The following FRMD4A variants were observed in gnomAD, a reference collection of about 807,000 sequenced individuals.
FRMD4A encodes the protein FERM domain containing 4A.
FRMD4A carries 29 observed loss-of-function variants against 129.1 expected under a neutral mutation model. That is an observed-to-expected ratio of 0.22 (90% CI 0.17 to 0.31). The LOEUF is 0.31. FRMD4A is among the 10% of genes least tolerant of loss of function. FRMD4A has a pLI of 1.00. For synonymous variants in FRMD4A, 634 were observed against 571.6 expected, an observed-to-expected ratio of 1.11 and a Z score of -1.56; for missense variants, 1,272 against 1,375.8, an observed-to-expected ratio of 0.92 and a Z score of 1.19.
intron 4 of FRMD4A, among the ~76,000 whole-genome samples, chr10:13,807,379 T>G (rs2093373524): frequency 6.6e-6 from 1 of 152,218 alleles, no homozygotes; most frequent in African/African-American, 2.4e-5. Flanking sequence ...CAATGTTCAT[T>G]TCTTAGTTTT....
chr10:13,971,954 C>G lies in FRMD4A; in HGVS notation c.46-113042G>C, dbSNP rs4750440. 5.8e-6 allele frequency: 7 copies of G among 1,208,414 alleles called. No individual in the cohort carries two copies. In the Admixed American group the frequency reaches 9.0e-5, roughly 15 times the overall value. The allele number at this position is 1,208,414 out of a possible 1,614,324, so 74.9% of individuals were successfully genotyped here. A position where few individuals can be genotyped will look rare whatever the true frequency, so the allele number is the denominator to read the frequency against. The stretch of plus-strand genomic sequence containing the variant: ...CTCTGATTCCTCTGACTCTCCTCCC[C>G]CTACCTACCCTCACCACCACCCTCA... On this transcript the variant is annotated intron_variant, in intron 2 of 24. Transcript: ENST00000357447.
chr10:13,762,258 C>T (rs900408944), intron 7 of FRMD4A, among the ~76,000 whole-genome samples: 6 of 152,040 alleles, frequency 3.9e-5, no homozygotes, highest in African/African-American at 1.2e-4. Flanking sequence ...CCTTGTCTTT[C>T]TAGGGGGCAG....
At chr10:14,126,169 CTTTTTTT>C (rs55649566) in intron 2 of FRMD4A, among the ~76,000 whole-genome samples, 1 of 122,382 alleles carries the variant, frequency 8.2e-6, no homozygotes, top group African/African-American at 3.1e-5. Flanking sequence ...ACCTTGCCCA[CTTTTTTT>C]TTTTTTTTTT....
intron 2 of FRMD4A, among the ~76,000 whole-genome samples, chr10:13,999,012 C>G (rs1161659397): frequency 6.6e-6 from 1 of 152,008 alleles, no homozygotes; most frequent in Non-Finnish European, 1.5e-5. Flanking sequence ...TCTGACCACC[C>G]CCATCTCACC....
intron 3 of FRMD4A, among the ~76,000 whole-genome samples, chr10:13,850,942 T>C (rs1442074918): frequency 1.3e-5 from 2 of 152,226 alleles, no homozygotes; most frequent in Non-Finnish European, 2.9e-5. Flanking sequence ...AGGCCAGGTG[T>C]AGTGGCTCAT....
At chr10:14,304,913 C>T (rs1218479) in intron 2 of FRMD4A, among the ~76,000 whole-genome samples, 5 of 152,090 alleles carry the variant, frequency 3.3e-5, no homozygotes, top group Admixed American at 3.3e-4. Context: ...CTGTTTCCCA[C>T]AGTGGTCTGA....
At chr10:13,996,979 A>C (rs1028028660) in intron 2 of FRMD4A, among the ~76,000 whole-genome samples, 1 of 149,588 alleles carries the variant, frequency 6.7e-6, no homozygotes, top group Non-Finnish European at 1.5e-5. Context: ...CATTGAAAAA[A>C]ATTGAGGCAA....
At chr10:13,924,835 C>T (rs1018887026) in intron 2 of FRMD4A, among the ~76,000 whole-genome samples, 5 of 151,850 alleles carry the variant, frequency 3.3e-5, no homozygotes, top group Admixed American at 6.6e-5. Flanking sequence ...GAGGCCGAAG[C>T]GGGCGGATCA....
intron 8 of FRMD4A, among the ~76,000 whole-genome samples, chr10:13,758,272 T>C (rs1260911924): frequency 6.6e-6 from 1 of 152,208 alleles, no homozygotes; most frequent in Admixed American, 6.5e-5. Context: ...TGTGTGGCCA[T>C]TCATTTAAAA....
At chr10:13,942,869 G>T (rs1159201740) in intron 2 of FRMD4A, among the ~76,000 whole-genome samples, 1 of 151,960 alleles carries the variant, frequency 6.6e-6, no homozygotes, top group Admixed American at 6.5e-5. Flanking sequence ...GGAGGTGGAG[G>T]TTTCAGTGAG....
intron 12 of FRMD4A, among the ~76,000 whole-genome samples, chr10:13,734,314 A>G (rs117732002): frequency 0.018 from 2,712 of 152,182 alleles, 43 homozygotes; most frequent in Non-Finnish European, 0.03. Context: ...GCCTCCAAGC[A>G]GTTTCCGGAG....
intron 2 of FRMD4A, among the ~76,000 whole-genome samples, chr10:14,163,707 C>T (rs1841023349): frequency 6.6e-6 from 1 of 152,230 alleles, no homozygotes; most frequent in South Asian, 2.1e-4. Context: ...CAAGCTTCTC[C>T]CCCTGCCTGA....
intron 2 of FRMD4A, among the ~76,000 whole-genome samples, chr10:14,005,165 A>T (rs934415239): frequency 6.6e-6 from 1 of 151,958 alleles, no homozygotes; most frequent in Non-Finnish European, 1.5e-5. Context: ...TGGGATTATA[A>T]GCGCATACCA....
intron 2 of FRMD4A, among the ~76,000 whole-genome samples, chr10:14,302,509 A>G (rs1344608439): frequency 2.6e-5 from 4 of 152,196 alleles, no homozygotes; most frequent in Non-Finnish European, 5.9e-5. Flanking sequence ...TGAGCAAGTT[A>G]CTAAACTTCT....
chr10:13,859,161 T>A (rs577150190), intron 2 of FRMD4A, among the ~76,000 whole-genome samples: 1 of 152,318 alleles, frequency 6.6e-6, no homozygotes, highest in South Asian at 2.1e-4. Flanking sequence ...GCGGATCACC[T>A]GAGGTCAGGA....
chr10:13,805,345 A>G (rs1230816082), intron 4 of FRMD4A, among the ~76,000 whole-genome samples: 5 of 151,804 alleles, frequency 3.3e-5, no homozygotes, highest in Non-Finnish European at 7.4e-5. Context: ...AATTCTAACT[A>G]TACTTGTCTT....
At chr10:13,661,706 G>A (rs2082652325) in intron 19 of FRMD4A, among the ~76,000 whole-genome samples, 1 of 152,140 alleles carries the variant, frequency 6.6e-6, no homozygotes, top group Non-Finnish European at 1.5e-5. Flanking sequence ...GAGGACTTCA[G>A]GCTAGGGCAG....
At chr10:13,927,017 G>T (rs1385769637) in intron 2 of FRMD4A, among the ~76,000 whole-genome samples, 1 of 152,176 alleles carries the variant, frequency 6.6e-6, no homozygotes, top group Non-Finnish European at 1.5e-5. Flanking sequence ...CCTTTGGGAG[G>T]CTGAGGCGGG....
rs776446027 is a variant in FRMD4A, at chr10:13,670,418, C to T, written c.1362G>A (p.Leu454=). The T allele has an allele frequency of 3.7e-6, 6 of 1,613,198 alleles. No individual in the cohort carries two copies. Among genetic ancestry groups the T allele is most frequent in the African/African-American group, 2.7e-5 (2 of 74,892 alleles). The change falls in exon 17 of 25, where the codon CTG becomes CTA. Residue 454 remains leucine (L), a synonymous_variant. Transcript: ENST00000357447. ...TAFKLDEQKI[L]PKGEEAELER... ...AGGAAGGACGCACCTCTCCTTTGGGCAGGATTTTCTGTTCATCCAGTTTGA... is the reference window on the plus strand; with the variant it reads ...AGGAAGGACGCACCTCTCCTTTGGGTAGGATTTTCTGTTCATCCAGTTTGA...
Sources: gnomAD v4.1 joint callset for allele counts (sites outside exome capture counted in the v4.1 genomes callset) on GRCh38, gnomAD v4.1.1 for gene constraint, MANE v1.5 for transcripts, NCBI Gene and HGNC (gene_info 2026-07-23, HGNC 2026-07-21) for gene names.